Variants in ACBD6 observed in about 807,000 individuals in gnomAD.
The protein encoded by ACBD6 is acyl-CoA binding domain containing 6, also known as acyl-CoA-binding domain-containing protein 6.
ACBD6 carries 28 observed loss-of-function variants against 37.2 expected under a neutral mutation model. The observed-to-expected ratio is 0.75, with a 90% CI of 0.56 to 1.03. The LOEUF is 1.03. Ranked by LOEUF, ACBD6 falls within the 50% of genes least tolerant of loss-of-function variation. ACBD6 has a pLI of 0.00. For missense variants in ACBD6, 340 were observed against 337.4 expected, an observed-to-expected ratio of 1.01 and a Z score of -0.06; for synonymous variants, 113 against 126.8, an observed-to-expected ratio of 0.89 and a Z score of 0.73.
At chr1:180,344,338 T>C (rs921958609) in intron 6 of ACBD6, among the ~76,000 whole-genome samples, 27 of 151,682 alleles carry the variant, frequency 1.8e-4, no homozygotes, top group African/African-American at 6.1e-4. Context: ...TGCCAACCAG[T>C]AGGTTTTAGC....
chr1:180,438,552 T>C (rs1019011483), intron 3 of ACBD6, among the ~76,000 whole-genome samples: 1 of 152,094 alleles, frequency 6.6e-6, no homozygotes, highest in Non-Finnish European at 1.5e-5. Flanking sequence ...AGTTACGTGG[T>C]AGTTCAAAAA....
chr1:180,497,809 T>C (rs1201322990), intron 1 of ACBD6, among the ~76,000 whole-genome samples: 1 of 152,218 alleles, frequency 6.6e-6, no homozygotes, highest in Non-Finnish European at 1.5e-5. Flanking sequence ...GGTTGAAGTA[T>C]ATGAAGAAAA....
At chr1:180,465,924 G>A (rs191489757) in intron 3 of ACBD6, among the ~76,000 whole-genome samples, 14 of 151,910 alleles carry the variant, frequency 9.2e-5, no homozygotes, top group Non-Finnish European at 1.8e-4. Flanking sequence ...ACCAAATACC[G>A]TATGTTCTCA....
At chr1:180,355,661 T>C (rs1350346868) in intron 6 of ACBD6, among the ~76,000 whole-genome samples, 3 of 152,292 alleles carry the variant, frequency 2.0e-5, no homozygotes, top group Middle Eastern at 6.8e-3. Flanking sequence ...AGTAATGAAC[T>C]CTATCCAGGC....
intron 7 of ACBD6, among the ~76,000 whole-genome samples, chr1:180,310,671 G>A (rs1328635927): frequency 6.6e-6 from 1 of 152,092 alleles, no homozygotes; most frequent in Non-Finnish European, 1.5e-5. Flanking sequence ...TTTTTCTCTG[G>A]TATGTACCTA....
chr1:180,281,724 T>A (rs1320511205), intron 8 of ACBD6, among the ~76,000 whole-genome samples: 1 of 152,146 alleles, frequency 6.6e-6, no homozygotes, highest in Non-Finnish European at 1.5e-5. Context: ...AAGTACATAG[T>A]TCAGCCACTA....
intron 6 of ACBD6, among the ~76,000 whole-genome samples, chr1:180,390,620 T>C (rs1654037526): frequency 1.3e-5 from 2 of 152,180 alleles, no homozygotes; most frequent in Admixed American, 6.5e-5. Flanking sequence ...CAATATTGAT[T>C]CTTCCTACCC....
At chr1:180,282,976 T>TG (rs1649357839) in intron 8 of ACBD6, among the ~76,000 whole-genome samples, 1 of 99,718 alleles carries the variant, frequency 1.0e-5, no homozygotes, top group East Asian at 2.3e-4. Flanking sequence ...CTTTCTGTTT[T>TG]TTTTTTTTTT....
chr1:180,304,022 T>C (rs184300372), intron 7 of ACBD6, among the ~76,000 whole-genome samples: 1 of 150,924 alleles, frequency 6.6e-6, no homozygotes, highest in East Asian at 1.9e-4. Context: ...ATTATCTCAG[T>C]AGATGCAGAA....
chr1:180,367,378 T>G (rs1653091230), intron 6 of ACBD6, among the ~76,000 whole-genome samples: 1 of 152,188 alleles, frequency 6.6e-6, no homozygotes, highest in African/African-American at 2.4e-5. Flanking sequence ...ATACATTTCT[T>G]TCCTTTTTAA....
At position 180,384,247 on chromosome 1, in the gene ACBD6, C is replaced by A. The variant is rs1423830131; in HGVS notation, c.663+13269G>T. 5.3e-5 allele frequency among the ~76,000 whole-genome samples: 8 copies of A among 151,892 alleles called. No individual in the cohort carries two copies. In the East Asian group the frequency reaches 9.7e-4, roughly 18 times the overall value. On this transcript the variant is annotated intron_variant, in intron 6 of 7. Transcript: ENST00000367595. ...CCTATAGAATGTGAAGAAATATCTG[C>A]AAATTATCTGACAAGGGACTAATAT...
At position 180,413,365 on chromosome 1, in the gene ACBD6, C is replaced by T. The variant is rs969711863; in HGVS notation, c.573+1G>A. 8.1e-6 allele frequency: 13 copies of T among 1,610,438 alleles called. No homozygotes were observed. The highest frequency in any genetic ancestry group is 1.1e-5 in the Non-Finnish European group (13 of 1,177,182). On this transcript the variant is annotated splice_donor_variant, in intron 5 of 7. Coordinates refer to ENST00000367595, the MANE Select transcript of ACBD6 (RefSeq NM_032360.4). LOFTEE classifies it high-confidence loss of function. ...TAATTAACAGGGCATGTTTTTCATA[C>T]CTCTTCATCTTTCACATTCACATCC...
intron 6 of ACBD6, among the ~76,000 whole-genome samples, chr1:180,335,614 A>C (rs1651680793): frequency 6.6e-6 from 1 of 151,934 alleles, no homozygotes; most frequent in South Asian, 2.1e-4. Flanking sequence ...TAACGAGCAA[A>C]ATAACCAGCT....
intron 6 of ACBD6, among the ~76,000 whole-genome samples, chr1:180,341,871 G>A (rs991338939): frequency 2.3e-4 from 35 of 152,074 alleles, no homozygotes; most frequent in African/African-American, 8.0e-4. Flanking sequence ...AACTTCTTCA[G>A]TGATTTAATT....
chr1:180,433,574 C>CTGTGTG lies in ACBD6; in HGVS notation c.385-3318_385-3313dup, dbSNP rs61101474. ...AATAAAAGGCATTTGTGGTGTTATG[C>CTGTGTG]TGTGTGTGTGTGTGTGTGTGTGTGT... On this transcript the variant is annotated intron_variant, in intron 3 of 7. Transcript: ENST00000367595. Among the ~76,000 whole-genome samples, 57 of 149,826 alleles carry CTGTGTG rather than the reference C, an allele frequency of 3.8e-4. 1 individual carries two copies. Among genetic ancestry groups the CTGTGTG allele is most frequent in the African/African-American group, 1.2e-3 (48 of 40,634 alleles).
intron 6 of ACBD6, among the ~76,000 whole-genome samples, chr1:180,395,530 T>C (rs1463397732): frequency 3.3e-5 from 5 of 152,186 alleles, no homozygotes; most frequent in Admixed American, 6.5e-5. Flanking sequence ...AAGATGCCTA[T>C]GTTACCACTT....
intron 6 of ACBD6, among the ~76,000 whole-genome samples, chr1:180,321,913 A>G (rs1044672223): frequency 3.3e-5 from 5 of 152,118 alleles, no homozygotes; most frequent in Non-Finnish European, 5.9e-5. Context: ...ATCATGTTGA[A>G]TAACAGTGGT....
Position 180,492,456 on chromosome 1 carries a change from C to G in ACBD6, c.288-91G>C, listed in dbSNP as rs1029911101. 10 of 969,434 alleles carry G rather than the reference C, an allele frequency of 1.0e-5. No individual in the cohort carries two copies. In the African/African-American group the frequency reaches 1.3e-4, roughly 13 times the overall value. The allele number at this position is 969,434 out of a possible 1,614,324, so 60.1% of individuals were successfully genotyped here. On this transcript the variant is annotated intron_variant, in intron 2 of 7. Transcript: ENST00000367595. The stretch of plus-strand genomic sequence containing the variant: ...TATTAAAAAAACTGTATGCACATTT[C>G]AAGGGTCTCTGAATATAGAGATAAT...
At chr1:180,386,931 C>G (rs1323499448) in intron 6 of ACBD6, among the ~76,000 whole-genome samples, 1 of 152,040 alleles carries the variant, frequency 6.6e-6, no homozygotes, top group Non-Finnish European at 1.5e-5. Context: ...TTTTACCATT[C>G]GAGTTGTGAT....
Sources: gnomAD v4.1 joint callset for allele counts (sites outside exome capture counted in the v4.1 genomes callset) on GRCh38, gnomAD v4.1.1 for gene constraint, MANE v1.5 for transcripts, NCBI Gene and HGNC (gene_info 2026-07-23, HGNC 2026-07-21) for gene names.